Variants in BTBD19 observed in about 807,000 individuals in gnomAD.
BTBD19 encodes the protein BTB domain containing 19.
BTBD19 carries 20 observed loss-of-function variants against 36.1 expected under a neutral mutation model. The ratio of observed to expected loss-of-function variants is 0.55; its 90% CI spans 0.39 to 0.80. The LOEUF is 0.80. Among genes scored for constraint, BTBD19 ranks in the 30% least tolerant of loss-of-function variants. The pLI is 0.00. For missense variants in BTBD19, 325 were observed against 389.8 expected (o/e 0.83, Z 1.40); for synonymous variants, 157 against 174.3 (o/e 0.90, Z 0.78).
In BTBD19 at chr1:44,813,204, G is replaced by A. The variant is rs746654416; in HGVS notation, c.550G>A (p.Asp184Asn). The A allele has an allele frequency of 2.6e-6, 4 of 1,545,356 alleles. No homozygotes were observed. The highest frequency in any genetic ancestry group is 1.2e-5 in the South Asian group (1 of 83,928). ...CGCGCTGCTGCCCCTGCTCCGCAGC[G>A]ACAAGCTCTGCGTGGACGAGGCTGA... Residue 184 changes from aspartate (D) to asparagine (N), a missense_variant, in exon 6 of 8, where the codon GAC becomes AAC. Physicochemically the swap from Asp to Asn is conservative, Grantham distance 23. Coordinates refer to ENST00000450269, the Ensembl canonical transcript of BTBD19. The surrounding 1 kb of genome is among the most constrained non-coding windows in gnomAD (Gnocchi z 7.8).
rs1227321995 is a variant in BTBD19, at chr1:44,808,846, A to G, written c.26A>G (p.His9Arg). The change falls in exon 1 of 8, where the codon CAT becomes CGT. Residue 9 changes from histidine to arginine, a missense_variant. Physicochemically the swap from His to Arg is conservative, Grantham distance 29 (BLOSUM62 0). Coordinates refer to ENST00000450269, the Ensembl canonical transcript of BTBD19. Reference sequence around the variant, plus strand: ...ATGGAGCCCTTGGGACTGGTCGTGCATGGGAAAGCTGAACCTTTTTCCGCA... The same window carrying G: ...ATGGAGCCCTTGGGACTGGTCGTGCGTGGGAAAGCTGAACCTTTTTCCGCA... 60 of 1,549,930 alleles carry G rather than the reference A, an allele frequency of 3.9e-5. No individual in the cohort carries two copies. Among genetic ancestry groups the G allele is most frequent in the Non-Finnish European group, 5.0e-5 (57 of 1,146,090 alleles).
At position 44,810,883 on chromosome 1, in the gene BTBD19, A is replaced by C. The variant is rs1187419458; in HGVS notation, c.354+276A>C. Among the ~76,000 whole-genome samples, 1 of 152,094 alleles carries C rather than the reference A, an allele frequency of 6.6e-6. No homozygotes were observed. The highest frequency in any genetic ancestry group is 2.4e-5 in the African/African-American group (1 of 41,382). ...CTTGATCCGTGTTCTCCAGAGAGGG[A>C]GAGGAGACAGACACATGAAAATGCT... On this transcript the variant is annotated intron_variant, in intron 3 of 7. Coordinates refer to ENST00000450269, the Ensembl canonical transcript of BTBD19. The surrounding 1 kb of genome is among the most constrained non-coding windows in gnomAD (Gnocchi z 4.2).
Position 44,813,411 on chromosome 1 carries a change from C to G in BTBD19, c.653C>G (p.Pro218Arg). 6 of 1,541,474 alleles carry G rather than the reference C, an allele frequency of 3.9e-6. No individual in the cohort carries two copies. Among genetic ancestry groups the G allele is most frequent in the Non-Finnish European group, 5.2e-6 (6 of 1,146,490 alleles). Residue 218 changes from proline (P) to arginine (R), a missense_variant, in exon 7 of 8, where the codon CCG becomes CGG. By Grantham distance (103) the Pro-to-Arg change is moderately radical. Coordinates refer to ENST00000450269, the Ensembl canonical transcript of BTBD19. The surrounding 1 kb of genome is among the most constrained non-coding windows in gnomAD (Gnocchi z 7.8). ...CGGCCGGTGGCTGAGGTGGCGGCCC[C>G]GGTGGTGAAAGAGCTGAGACTAGCC...
chr1:44,808,781 C>A, exon 1 of BTBD19: 2 of 1,457,554 alleles, frequency 1.4e-6, no homozygotes, highest in Non-Finnish European at 1.9e-6. Context: ...CCTGGCCAGG[C>A]CTCCCAGGCT....
chr1:44,813,422 G>A lies in BTBD19; in HGVS notation c.664G>A (p.Glu222Lys), dbSNP rs1363792336. ...TGAGGTGGCGGCCCCGGTGGTGAAA[G>A]AGCTGAGACTAGCCTTGCTGGCCCC... Residue 222 changes from glutamate to lysine, a missense_variant, in exon 7 of 8, where the codon GAG (glutamate) becomes AAG (lysine). Glu to Lys is a moderately conservative substitution (Grantham distance 56, BLOSUM62 1). Coordinates refer to ENST00000450269, the Ensembl canonical transcript of BTBD19. The surrounding 1 kb of genome is among the most constrained non-coding windows in gnomAD (Gnocchi z 7.8). The A allele has an allele frequency of 1.3e-6, 2 of 1,542,968 alleles. No homozygotes were observed. The highest frequency in any genetic ancestry group is 1.5e-5 in the African/African-American group (1 of 66,950).
intron 1 of BTBD19, among the ~76,000 whole-genome samples, chr1:44,809,340 T>C (rs1275546256): frequency 6.6e-6 from 1 of 152,172 alleles, no homozygotes; most frequent in Admixed American, 6.5e-5. Context: ...GCTCCAGAGA[T>C]TGAGCCATAG....
chr1:44,808,816 C>A, exon 1 of BTBD19: 1 of 1,541,388 alleles, frequency 6.5e-7, no homozygotes, highest in Non-Finnish European at 8.8e-7. Context: ...AACCCCTTCT[C>A]ACTCATGGAG....
rs79617836 is a variant in BTBD19 at position 44,810,035 on chromosome 1, A to G, written c.87-178A>G. Among the ~76,000 whole-genome samples the G allele has an allele frequency of 5.3e-5, 8 of 152,314 alleles. No homozygotes were observed. The East Asian group carries it at 1.2e-3, about 22-fold the overall frequency. ...AAGTCACTTGCCTATGGTACCCATT[A>G]GGTGGAGCTGGGACTAGAACTCAGG... On this transcript the variant is annotated intron_variant, in intron 1 of 7. Coordinates refer to ENST00000450269, the Ensembl canonical transcript of BTBD19. The surrounding 1 kb of genome is among the most constrained non-coding windows in gnomAD (Gnocchi z 4.2).
At position 44,811,909 on chromosome 1, in the gene BTBD19, G is replaced by C. The variant is rs567838955; in HGVS notation, c.355-130G>C. The C allele has an allele frequency of 9.4e-6, 6 of 637,008 alleles. No homozygotes were observed. In the African/African-American group the frequency reaches 1.1e-4, roughly 12 times the overall value. The allele number at this position is 637,008 out of a possible 1,614,324, so 39.5% of individuals were successfully genotyped here. A position where few individuals can be genotyped will look rare whatever the true frequency, so the allele number is the denominator to read the frequency against. On this transcript the variant is annotated intron_variant, in intron 3 of 7. Coordinates refer to ENST00000450269, the Ensembl canonical transcript of BTBD19. ...CTCTAGCAATTCCCTGCCTCCCCTGGCCTGGGTCAGGATGGGTCTGGGGCT... is the reference window on the plus strand; with the variant it reads ...CTCTAGCAATTCCCTGCCTCCCCTGCCCTGGGTCAGGATGGGTCTGGGGCT...
rs1230552671 is a variant in BTBD19, at chr1:44,810,903, A to G, written c.354+296A>G. 6.6e-6 allele frequency among the ~76,000 whole-genome samples: 1 copy of G among 152,100 alleles called. No individual in the cohort carries two copies. The highest frequency in any genetic ancestry group is 1.5e-5 in the Non-Finnish European group (1 of 68,008). On this transcript the variant is annotated intron_variant, in intron 3 of 7. Coordinates refer to ENST00000450269, the Ensembl canonical transcript of BTBD19. The surrounding 1 kb of genome is among the most constrained non-coding windows in gnomAD (Gnocchi z 4.2). ...GAGGGAGAGGAGACAGACACATGAA[A>G]ATGCTTACCTGGGTGGCATAAGAAG...
chr1:44,812,422 T>C (rs4073112), intron 4 of BTBD19: 90,653 of 454,650 alleles, frequency 0.2, 10,166 homozygotes, highest in African/African-American at 0.38. Context: ...GAAGTCAAGC[T>C]GGGTCAGGCA....
intron 3 of BTBD19, chr1:44,811,791 T>C (rs1026652728): frequency 3.2e-6 from 1 of 312,830 alleles, no homozygotes; most frequent in African/African-American, 2.2e-5. Context: ...GCATGGCCTT[T>C]ATCTGGTTTT....
In BTBD19 at chr1:44,813,336, G is replaced by C; in HGVS notation, c.616-38G>C. 6.5e-7 allele frequency: 1 copy of C among 1,541,352 alleles called. No individual in the cohort carries two copies. Among genetic ancestry groups the C allele is most frequent in the Non-Finnish European group, 8.7e-7 (1 of 1,146,202 alleles). ...CTGGCCACGAGACTGGTGAGCGGGC[G>C]GCAGGACAGGTGCCCGACTCAGGGC... On this transcript the variant is annotated intron_variant, in intron 6 of 7. Coordinates refer to ENST00000450269, the Ensembl canonical transcript of BTBD19. The surrounding 1 kb of genome is among the most constrained non-coding windows in gnomAD (Gnocchi z 7.8).
Position 44,813,588 on chromosome 1 carries a change from G to A in BTBD19, c.742-50G>A, listed in dbSNP as rs1286979586. 1 of 1,536,088 alleles carries A rather than the reference G, an allele frequency of 6.5e-7. No homozygotes were observed. Among genetic ancestry groups the A allele is most frequent in the Admixed American group, 2.0e-5 (1 of 50,274 alleles). On this transcript the variant is annotated intron_variant, in intron 7 of 7. Coordinates refer to ENST00000450269, the Ensembl canonical transcript of BTBD19. This position sits in a 1 kb window ranked among gnomAD's most constrained non-coding sequence, Gnocchi z 7.8. The stretch of plus-strand genomic sequence containing the variant: ...AGGAGCAGCCCGGCCCACGGTCCTC[G>A]GGGCGAGGGGCCACCGCGGGACTGC...
At position 44,813,929 on chromosome 1, in the gene BTBD19, C is replaced by G. The variant is rs1271892644; in HGVS notation, c.*157C>G. On this transcript the variant is annotated 3_prime_UTR_variant, in exon 8 of 8. Transcript: ENST00000450269. The surrounding 1 kb of genome is among the most constrained non-coding windows in gnomAD (Gnocchi z 7.8). ...AACCGTTGTCTGCCACGCGCAGCCCCTTGTGCGGGATCAAGCCCGTGTGGG... is the reference window on the plus strand; with the variant it reads ...AACCGTTGTCTGCCACGCGCAGCCCGTTGTGCGGGATCAAGCCCGTGTGGG... 2 of 1,245,816 alleles carry G rather than the reference C, an allele frequency of 1.6e-6. No homozygotes were observed. Among genetic ancestry groups the G allele is most frequent in the East Asian group, 5.1e-5 (2 of 39,154 alleles). 77.2% of individuals were successfully genotyped at this position (1,245,816 alleles called of 1,614,324 possible).
chr1:44,812,894 C>T, intron 4 of BTBD19, 102 bp from the exon 5 acceptor site: 1 of 1,153,292 alleles, frequency 8.7e-7, no homozygotes, highest in Admixed American at 2.8e-5. Flanking sequence ...GTCAGCCTCC[C>T]CAGCTAGGGC....
At chr1:44,814,894 C>G (rs1291615906), downstream of BTBD19, 2 of 152,202 alleles carry the variant, frequency 1.3e-5, no homozygotes, top group South Asian at 2.1e-4. Flanking sequence ...CCCTGGAGAT[C>G]GCTCCCTGAA....
chr1:44,811,354 G>A (rs1011882473), intron 3 of BTBD19, among the ~76,000 whole-genome samples: 2 of 152,148 alleles, frequency 1.3e-5, no homozygotes, highest in African/African-American at 4.8e-5. Context: ...TGTTCGATCT[G>A]GTAGAACAAA....
chr1:44,812,121 G>T (rs1652444551), intron 4 of BTBD19, 23 bp downstream of exon 4: 3 of 1,297,280 alleles, frequency 2.3e-6, no homozygotes, highest in Admixed American at 2.3e-5. Flanking sequence ...GGACAGGCAT[G>T]GTAGGAGTCT....
Sources: gnomAD v4.1 joint callset for allele counts (sites outside exome capture counted in the v4.1 genomes callset) on GRCh38, gnomAD v4.1.1 for gene constraint, Gnocchi (gnomAD v3.1) non-coding constraint, MANE v1.5 for transcripts, NCBI Gene and HGNC (gene_info 2026-07-23, HGNC 2026-07-21) for gene names.